The following LSAMP variants were observed in gnomAD, a reference collection of about 807,000 sequenced individuals.
The protein encoded by LSAMP is limbic system-associated membrane protein.
A neutral mutation model predicts 38.6 loss-of-function variants in LSAMP; 7 were observed. The observed-to-expected ratio is 0.18, with a 90% CI of 0.10 to 0.34. The LOEUF (loss-of-function observed/expected upper bound fraction) is 0.34, where lower values mean the gene tolerates loss of function less well. Ranked by LOEUF, LSAMP falls within the 10% of genes least tolerant of loss-of-function variation. The pLI is 1.00. For missense variants in LSAMP, 313 were observed against 420.0 expected (o/e 0.75, Z 2.23); for synonymous variants, 154 against 166.8 (o/e 0.92, Z 0.59).
At chr3:116,263,303 C>T (rs1047010472) in intron 1 of LSAMP, among the ~76,000 whole-genome samples, 7 of 151,954 alleles carry the variant, frequency 4.6e-5, no homozygotes, top group African/African-American at 1.7e-4. Flanking sequence ...TTTGGGAGGC[C>T]GAGGTGGGTG....
intron 1 of LSAMP, among the ~76,000 whole-genome samples, chr3:116,438,135 C>T (rs1441849573): frequency 6.7e-6 from 1 of 149,902 alleles, no homozygotes; most frequent in Non-Finnish European, 1.5e-5. Flanking sequence ...ATACTTGTGA[C>T]TTTAAAGGAC....
At position 115,917,897 on chromosome 3, in the gene LSAMP, C is replaced by T. The variant is rs542708369; in HGVS notation, c.515-65280G>A. ...ACTTCCATAAATATAAAAATTATCT[C>T]TGTCCTTCAGAAAGATTTTAATTAC... On this transcript the variant is annotated intron_variant, in intron 3 of 6. Coordinates refer to ENST00000490035, the MANE Select transcript of LSAMP (RefSeq NM_002338.5). Among the ~76,000 whole-genome samples, 86 of 152,328 alleles carry T rather than the reference C, an allele frequency of 5.6e-4. No homozygotes were observed. The South Asian group carries it at 6.0e-3, about 11-fold the overall frequency.
chr3:116,027,772 C>A (rs576402258), intron 2 of LSAMP, among the ~76,000 whole-genome samples: 35 of 152,270 alleles, frequency 2.3e-4, no homozygotes, highest in Admixed American at 2.1e-3. Flanking sequence ...CCTAACTGAA[C>A]AACCATCAGA....
intron 3 of LSAMP, among the ~76,000 whole-genome samples, chr3:115,939,918 C>T (rs1242407013): frequency 6.6e-6 from 1 of 152,082 alleles, no homozygotes; most frequent in African/African-American, 2.4e-5. Context: ...CCTCTGACTT[C>T]AAGAATGAAG....
At chr3:116,004,328 A>G (rs1335138130) in intron 3 of LSAMP, among the ~76,000 whole-genome samples, 1 of 151,978 alleles carries the variant, frequency 6.6e-6, no homozygotes, top group Non-Finnish European at 1.5e-5. Context: ...TAGTGATACA[A>G]GCAACAAATT....
In LSAMP at chr3:116,444,745, C is replaced by G. The variant is rs988013676; in HGVS notation, c.155+132G>C. ...CACACACACACCACACACACACACA[C>G]CACAAGCCTGCAGCATCAGGAGCTG... is the stretch of plus-strand genomic sequence containing the variant. On this transcript the variant is annotated intron_variant, in intron 1 of 6. Transcript: ENST00000490035. 4.2e-6 allele frequency: 5 copies of G among 1,180,566 alleles called. No homozygotes were observed. The African/African-American group carries it at 4.5e-5, about 11-fold the overall frequency. 73.1% of individuals were successfully genotyped at this position (1,180,566 alleles called of 1,614,324 possible).
At chr3:116,239,537 G>A (rs1359287308) in intron 1 of LSAMP, among the ~76,000 whole-genome samples, 1 of 152,126 alleles carries the variant, frequency 6.6e-6, no homozygotes, top group African/African-American at 2.4e-5. Context: ...GTTTAATTCA[G>A]TAAATAAATT....
intron 1 of LSAMP, among the ~76,000 whole-genome samples, chr3:116,179,346 C>G (rs1396088199): frequency 1.3e-5 from 2 of 152,044 alleles, no homozygotes; most frequent in African/African-American, 4.8e-5. Context: ...CAAGCACTCC[C>G]CATTGGAGAA....
intron 1 of LSAMP, among the ~76,000 whole-genome samples, chr3:116,236,300 G>T (rs2046465130): frequency 6.6e-6 from 1 of 151,982 alleles, no homozygotes; most frequent in South Asian, 2.1e-4. Context: ...AATAATCCAA[G>T]TCATACTTGT....
intron 1 of LSAMP, 146 bp downstream of exon 1, chr3:116,444,729 ACC>A: frequency 2.1e-6 from 2 of 964,354 alleles, no homozygotes. Context: ...ACACACACAC[ACC>A]ACACACACAC....
intron 3 of LSAMP, among the ~76,000 whole-genome samples, chr3:115,932,452 T>C (rs565217351): frequency 9.2e-5 from 14 of 152,328 alleles, no homozygotes; most frequent in African/African-American, 3.4e-4. Flanking sequence ...GAGTATGTCA[T>C]TCCAGGTAGT....
At chr3:115,821,252 A>C (rs1407955661) in intron 6 of LSAMP, among the ~76,000 whole-genome samples, 1 of 152,174 alleles carries the variant, frequency 6.6e-6, no homozygotes, top group East Asian at 1.9e-4. Context: ...ATCTTAGGAA[A>C]TCTTCATATC....
chr3:115,911,929 G>A (rs942951974), intron 3 of LSAMP, among the ~76,000 whole-genome samples: 1 of 152,078 alleles, frequency 6.6e-6, no homozygotes, highest in Non-Finnish European at 1.5e-5. Context: ...TTCCCTAAAC[G>A]GCTAGTGATG....
intron 3 of LSAMP, among the ~76,000 whole-genome samples, chr3:115,890,983 G>A (rs1467627831): frequency 6.6e-6 from 1 of 151,926 alleles, no homozygotes; most frequent in Non-Finnish European, 1.5e-5. Flanking sequence ...AAAGTTTGTG[G>A]GAGGCTTAGC....
At chr3:116,031,736 A>T (rs2107704763) in intron 2 of LSAMP, among the ~76,000 whole-genome samples, 1 of 151,670 alleles carries the variant, frequency 6.6e-6, no homozygotes, top group Middle Eastern at 3.4e-3. Context: ...CAGAAGATAG[A>T]ATATTTAGAC....
intron 3 of LSAMP, among the ~76,000 whole-genome samples, chr3:115,995,710 T>C (rs2107649568): frequency 6.6e-6 from 1 of 152,230 alleles, no homozygotes; most frequent in African/African-American, 2.4e-5. Flanking sequence ...CTTTACATGT[T>C]AGTAATAGGA....
intron 1 of LSAMP, among the ~76,000 whole-genome samples, chr3:116,287,215 G>A (rs1054555580): frequency 6.6e-6 from 1 of 152,108 alleles, no homozygotes; most frequent in Non-Finnish European, 1.5e-5. Context: ...TGCAGAGAGA[G>A]TCATAAATGC....
intron 1 of LSAMP, among the ~76,000 whole-genome samples, chr3:116,394,669 C>G (rs1353614355): frequency 6.6e-6 from 1 of 150,806 alleles, no homozygotes; most frequent in Non-Finnish European, 1.5e-5. Context: ...ATCCTTGATG[C>G]TTGATATCAA....
intron 1 of LSAMP, 139 bp downstream of exon 1, chr3:116,444,738 A>T: frequency 9.1e-7 from 1 of 1,103,904 alleles, no homozygotes; most frequent in Admixed American, 2.0e-5. Context: ...CACCACACAC[A>T]CACACACCAC....
Sources: allele counts gnomAD v4.1 joint callset (sites outside exome capture counted in the v4.1 genomes callset), GRCh38; gene constraint gnomAD v4.1.1; transcripts MANE v1.5; gene names NCBI Gene and HGNC (gene_info 2026-07-23, HGNC 2026-07-21).